Variants in FBXO34 observed in about 807,000 individuals in gnomAD.
FBXO34 encodes the protein F-box only protein 34.
In FBXO34, 12 loss-of-function variants were observed where a neutral mutation model predicts 24.5. That is an observed-to-expected ratio of 0.49 (90% CI 0.31 to 0.79). FBXO34 has a LOEUF of 0.79. Among genes scored for constraint, FBXO34 ranks in the 30% least tolerant of loss-of-function variants. FBXO34 has a pLI of 0.04. For missense variants in FBXO34, 823 were observed against 857.7 expected, an observed-to-expected ratio of 0.96 and a Z score of 0.51; for synonymous variants, 320 against 311.9, an observed-to-expected ratio of 1.03 and a Z score of -0.27.
intron 1 of FBXO34, among the ~76,000 whole-genome samples, chr14:55,315,389 C>T (rs1464615834): frequency 6.6e-6 from 1 of 152,118 alleles, no homozygotes; most frequent in Non-Finnish European, 1.5e-5. Context: ...TTTATGTATA[C>T]CTGTTATCCT....
At chr14:55,313,106 A>G (rs1187738588) in intron 1 of FBXO34, among the ~76,000 whole-genome samples, 1 of 152,208 alleles carries the variant, frequency 6.6e-6, no homozygotes, top group Non-Finnish European at 1.5e-5. Flanking sequence ...GAATGCTTTT[A>G]AGAGCATCCA....
downstream of FBXO34, chr14:55,369,786 A>G (rs1452961278): frequency 6.2e-7 from 1 of 1,614,186 alleles, no homozygotes; most frequent in South Asian, 1.1e-5. Context: ...GGACTAGGCA[A>G]GTTCTCCCAG....
At chr14:55,284,140 C>A (rs891931830) in intron 1 of FBXO34, among the ~76,000 whole-genome samples, 29 of 152,094 alleles carry the variant, frequency 1.9e-4, no homozygotes, top group African/African-American at 6.3e-4. Flanking sequence ...CTAGGACTTA[C>A]AAGCATGCAC....
downstream of FBXO34, among the ~76,000 whole-genome samples, chr14:55,374,514 C>T (rs1768059345): frequency 6.6e-6 from 1 of 152,188 alleles, no homozygotes; most frequent in South Asian, 2.1e-4. Context: ...TGGCAGCTTT[C>T]ACTAGACACA....
intron 1 of FBXO34, chr14:55,325,962 T>C (rs1411967947): frequency 6.6e-6 from 1 of 152,222 alleles, no homozygotes; most frequent in Non-Finnish European, 1.5e-5. Flanking sequence ...GGGGCGCTTA[T>C]TACCGTGGTA....
At chr14:55,316,304 A>G (rs145912488) in intron 1 of FBXO34, among the ~76,000 whole-genome samples, 87 of 152,170 alleles carry the variant, frequency 5.7e-4, no homozygotes, top group African/African-American at 2.0e-3. Context: ...ATTCCACTAC[A>G]GGCTGGGTGC....
At chr14:55,325,620 C>T (rs556334991) in intron 1 of FBXO34, among the ~76,000 whole-genome samples, 252 of 152,208 alleles carry the variant, frequency 1.7e-3, no homozygotes, top group South Asian at 5.2e-3. Context: ...GGATTACAGG[C>T]ATGTGCCACC....
chr14:55,331,799 A>AAT lies in FBXO34; in HGVS notation c.-10-18568_-10-18567dup, dbSNP rs559887607. Among the ~76,000 whole-genome samples the AAT allele has an allele frequency of 1.9e-3, 87 of 45,992 alleles. 24 individuals carry two copies. The highest frequency in any genetic ancestry group is 3.2e-3 in the Admixed American group (16 of 4,942). 30.2% of individuals were successfully genotyped at this position (45,992 alleles called of 152,430 possible). A position where few individuals can be genotyped will look rare whatever the true frequency, so the allele number is the denominator to read the frequency against. ...TATATACCACCATGGTGTATATATA[A>AAT]ATATATATATATATACACCACCGGG... On this transcript the variant is annotated intron_variant, in intron 1 of 1. Coordinates refer to ENST00000313833, the MANE Select transcript of FBXO34 (RefSeq NM_017943.4).
At chr14:55,383,777 A>C in the FBXO34 span, among the ~76,000 whole-genome samples, 2 of 151,524 alleles carry the variant, frequency 1.3e-5, no homozygotes, top group African/African-American at 4.8e-5. Flanking sequence ...ACAAAAAAAA[A>C]CCCACCATGA....
chr14:55,303,304 C>G (rs1444503337), intron 1 of FBXO34, among the ~76,000 whole-genome samples: 1 of 152,182 alleles, frequency 6.6e-6, no homozygotes, highest in East Asian at 1.9e-4. Context: ...CAGCTGGATA[C>G]TCTGCTAAGT....
downstream of FBXO34, among the ~76,000 whole-genome samples, chr14:55,364,141 G>A (rs1884630607): frequency 6.6e-6 from 1 of 151,552 alleles, no homozygotes. Flanking sequence ...TAGAGACCGG[G>A]TTTCTCCATG....
At chr14:55,323,226 T>TATATATATA (rs1491370677) in intron 1 of FBXO34, among the ~76,000 whole-genome samples, 3 of 20,526 alleles carry the variant, frequency 1.5e-4, no homozygotes, top group African/African-American at 7.2e-4. Flanking sequence ...AAAATATATA[T>TATATATATA]TTTTTTTTTT....
intron 1 of FBXO34, among the ~76,000 whole-genome samples, chr14:55,333,036 T>C (rs1418676145): frequency 1.3e-5 from 2 of 152,168 alleles, no homozygotes; most frequent in East Asian, 1.9e-4. Flanking sequence ...GGTGCTGTTA[T>C]GTTTAGGGAA....
At chr14:55,428,017 A>T in the FBXO34 span, among the ~76,000 whole-genome samples, 2 of 133,880 alleles carry the variant, frequency 1.5e-5, no homozygotes, top group African/African-American at 3.3e-5. Context: ...GCTTTCATAG[A>T]ACGTGCTACA....
At chr14:55,301,835 A>G (rs1468819000) in intron 1 of FBXO34, among the ~76,000 whole-genome samples, 3 of 152,226 alleles carry the variant, frequency 2.0e-5, no homozygotes, top group African/African-American at 4.8e-5. Flanking sequence ...CAGTTAGAAC[A>G]GATGAGTCAT....
the FBXO34 span, chr14:55,395,924 A>C: frequency 5.2e-6 from 8 of 1,534,076 alleles, no homozygotes; most frequent in Non-Finnish European, 7.0e-6. Context: ...TAAAAAGAAC[A>C]TGTATTACAA....
chr14:55,281,141 C>G (rs1311748596), intron 1 of FBXO34, among the ~76,000 whole-genome samples: 1 of 151,448 alleles, frequency 6.6e-6, no homozygotes, highest in Non-Finnish European at 1.5e-5. Flanking sequence ...GTAGTCCTAG[C>G]TGCTTGGGAG....
the FBXO34 span, among the ~76,000 whole-genome samples, chr14:55,381,188 C>T: frequency 2.0e-5 from 3 of 152,098 alleles, no homozygotes; most frequent in African/African-American, 7.2e-5. Context: ...AAAGGGCCAC[C>T]TCTGTCTTGG....
At chr14:55,355,428 G>GGCCC, downstream of FBXO34, among the ~76,000 whole-genome samples, 1 of 152,104 alleles carries the variant, frequency 6.6e-6, no homozygotes, top group Non-Finnish European at 1.5e-5. Context: ...CTTCTTGTCT[G>GGCCC]TCACCGTATC....
Sources: gnomAD v4.1 joint callset for allele counts (sites outside exome capture counted in the v4.1 genomes callset) on GRCh38, gnomAD v4.1.1 for gene constraint, MANE v1.5 for transcripts, NCBI Gene and HGNC (gene_info 2026-07-23, HGNC 2026-07-21) for gene names.